The following NDUFAF6 variants were observed in gnomAD, a reference collection of about 807,000 sequenced individuals.
NDUFAF6 encodes NADH dehydrogenase (ubiquinone) complex I, assembly factor 6.
NDUFAF6 carries 45 observed loss-of-function variants against 40.8 expected under a neutral mutation model. The ratio of observed to expected loss-of-function variants is 1.10; its 90% confidence interval spans 0.87 to 1.42. The LOEUF is 1.42. Ranked by LOEUF, NDUFAF6 falls within the 40% of genes most tolerant of loss-of-function variation. The pLI, the probability that NDUFAF6 is intolerant of heterozygous loss-of-function variation, is 0.00. For missense variants in NDUFAF6, 435 were observed against 418.5 expected (o/e 1.04, Z -0.34); for synonymous variants, 185 against 155.9 (o/e 1.19, Z -1.39).
Position 95,045,605 on chromosome 8 carries a change from AAC to A in NDUFAF6, c.544_545del (p.Gln182GlufsTer71). On this transcript the variant is annotated frameshift_variant, in exon 5 of 9. Coordinates refer to ENST00000396124, the MANE Select transcript of NDUFAF6 (RefSeq NM_152416.4). LOFTEE classifies it high-confidence loss of function. Reference sequence around the variant, plus strand: ...CAAGGAACTGGAAAATTATGCTGAAAACACACAGAGCTCTCTTCTTTACTTAA... The same window carrying A: ...CAAGGAACTGGAAAATTATGCTGAAAACACAGAGCTCTCTTCTTTACTTAA... The part of the protein sequence containing the change: ...NIKELENYAE[N>X]TQSSLLYLTL... 3 of 1,613,544 alleles carry A rather than the reference AAC, an allele frequency of 1.9e-6. No individual in the cohort carries two copies. Among genetic ancestry groups the A allele is most frequent in the Non-Finnish European group, 2.5e-6 (3 of 1,179,678 alleles).
At chr8:95,088,676 C>G (rs1173870536) in intron 2 of NDUFAF6, among the ~76,000 whole-genome samples, 2 of 146,714 alleles carry the variant, frequency 1.4e-5, no homozygotes, top group Non-Finnish European at 3.0e-5. Flanking sequence ...AGCCAAGTCA[C>G]TTTTTTGGGG....
chr8:94,909,121 G>A (rs1035292023), intron 1 of NDUFAF6, among the ~76,000 whole-genome samples: 2 of 152,080 alleles, frequency 1.3e-5, no homozygotes, highest in African/African-American at 4.8e-5. Context: ...CGAGGTGGGT[G>A]GATCACCTGA....
chr8:94,962,612 T>TG (rs1823670859), intron 1 of NDUFAF6, among the ~76,000 whole-genome samples: 1 of 82,880 alleles, frequency 1.2e-5, no homozygotes, highest in Admixed American at 1.3e-4. Flanking sequence ...GTTTTTTGTT[T>TG]TTTGTTTTTT....
At chr8:95,070,188 C>T (rs753074840) in intron 9 of NDUFAF6, among the ~76,000 whole-genome samples, 1 of 152,162 alleles carries the variant, frequency 6.6e-6, no homozygotes, top group Non-Finnish European at 1.5e-5. Flanking sequence ...CTACTGCCTA[C>T]TGATTGACCA....
At chr8:94,940,808 C>A in intron 1 of NDUFAF6, 1 of 1,563,268 alleles carries the variant, frequency 6.4e-7, no homozygotes, top group Non-Finnish European at 8.8e-7. Context: ...GATGAACCAC[C>A]AAGTAACCAA....
intron 2 of NDUFAF6, among the ~76,000 whole-genome samples, chr8:95,012,340 C>T (rs1402374265): frequency 6.6e-6 from 1 of 152,130 alleles, no homozygotes; most frequent in Non-Finnish European, 1.5e-5. Flanking sequence ...TACCATTTGT[C>T]TTTTGACTAT....
Position 94,972,831 on chromosome 8 carries a change from C to G in NDUFAF6, c.-198-8028C>G, listed in dbSNP as rs953388367. Among the ~76,000 whole-genome samples, 7 of 151,858 alleles carry G rather than the reference C, an allele frequency of 4.6e-5. No homozygotes were observed. The East Asian group carries it at 1.2e-3, about 25-fold the overall frequency. On this transcript the variant is annotated intron_variant, in intron 1 of 9. Transcript: ENST00000396111. ...GGGAGGCTTGCTTAAGCCCAGCAGT[C>G]GAGGCTGCAGTGAGCCATGATTGTG...
chr8:94,900,775 C>T lies in NDUFAF6; in HGVS notation c.-936+4848C>T, dbSNP rs144640704. Among the ~76,000 whole-genome samples, 4 of 152,228 alleles carry T rather than the reference C, an allele frequency of 2.6e-5. No individual in the cohort carries two copies. The East Asian group carries it at 7.7e-4, about 29-fold the overall frequency. ...CAGAGGATAAATGTGGAACGGATAA[C>T]TATTGTTAAGCATGATGCAAAATAT... is the stretch of plus-strand genomic sequence containing the variant. On this transcript the variant is annotated intron_variant, in intron 1 of 14. Transcript: ENST00000396113.
intron 1 of NDUFAF6, among the ~76,000 whole-genome samples, chr8:94,978,425 TG>T (rs1398759324): frequency 2.0e-5 from 3 of 152,116 alleles, no homozygotes; most frequent in African/African-American, 7.2e-5. Flanking sequence ...TATAATAAGC[TG>T]GTAAACAGGC....
intron 1 of NDUFAF6, chr8:94,896,362 G>A (rs1817572348): frequency 6.7e-6 from 1 of 148,344 alleles, no homozygotes; most frequent in Admixed American, 6.7e-5. Flanking sequence ...GGGAGGAGGG[G>A]GGCCCGACGC....
At chr8:95,062,916 A>G (rs1299751318), downstream of NDUFAF6, among the ~76,000 whole-genome samples, 7 of 152,192 alleles carry the variant, frequency 4.6e-5, no homozygotes, top group African/African-American at 1.4e-4. Context: ...ATTCTGTCTG[A>G]TGTGTGAAGT....
At chr8:94,921,716 A>C (rs1204808990) in intron 1 of NDUFAF6, among the ~76,000 whole-genome samples, 2 of 152,214 alleles carry the variant, frequency 1.3e-5, no homozygotes, top group Non-Finnish European at 2.9e-5. Flanking sequence ...AATCCTACTA[A>C]AAATGCAGAT....
intron 9 of NDUFAF6, among the ~76,000 whole-genome samples, chr8:95,071,108 CG>C (rs1832832928): frequency 6.6e-6 from 1 of 151,876 alleles, no homozygotes; most frequent in South Asian, 2.1e-4. Flanking sequence ...ATAAGGCAAC[CG>C]GCCGGGCGCG....
At chr8:94,910,157 T>G (rs1818682391) in intron 1 of NDUFAF6, among the ~76,000 whole-genome samples, 1 of 152,116 alleles carries the variant, frequency 6.6e-6, no homozygotes. Context: ...TTTGTTTTTT[T>G]GGTTTTTTTT....
chr8:95,046,031 C>T (rs1418693277), intron 5 of NDUFAF6, among the ~76,000 whole-genome samples: 1 of 146,854 alleles, frequency 6.8e-6, no homozygotes, highest in Non-Finnish European at 1.5e-5. Flanking sequence ...AAGTAAAACA[C>T]ATTTATTTTA....
intron 4 of NDUFAF6, among the ~76,000 whole-genome samples, chr8:95,109,669 A>C (rs1010098885): frequency 6.6e-6 from 1 of 152,098 alleles, no homozygotes; most frequent in South Asian, 2.1e-4. Context: ...TCATGACCCC[A>C]TATCACTTTG....
intron 1 of NDUFAF6, among the ~76,000 whole-genome samples, chr8:94,902,600 C>T (rs1314436150): frequency 6.6e-6 from 1 of 151,772 alleles, no homozygotes; most frequent in African/African-American, 2.4e-5. Flanking sequence ...TATGGATATG[C>T]TACACTTTGT....
intron 1 of NDUFAF6, among the ~76,000 whole-genome samples, chr8:94,904,473 G>A (rs936221591): frequency 6.6e-6 from 1 of 151,290 alleles, no homozygotes; most frequent in Non-Finnish European, 1.5e-5. Flanking sequence ...ACCGCGCCTG[G>A]CCTGAACCAT....
intron 2 of NDUFAF6, among the ~76,000 whole-genome samples, chr8:95,006,061 A>C (rs764478274): frequency 1.3e-5 from 2 of 152,040 alleles, no homozygotes; most frequent in African/African-American, 2.4e-5. Context: ...TTTCTCCTTT[A>C]AGACATCTCT....
Sources: allele counts gnomAD v4.1 joint callset (sites outside exome capture counted in the v4.1 genomes callset), GRCh38; gene constraint gnomAD v4.1.1; transcripts MANE v1.5; gene names NCBI Gene and HGNC (gene_info 2026-07-23, HGNC 2026-07-21).